The following PP2D1 variants were observed in gnomAD, a reference collection of about 807,000 sequenced individuals.
PP2D1 encodes protein phosphatase 2C-like domain-containing protein 1.
Under a neutral mutation model 30.2 loss-of-function variants are expected in PP2D1, and 25 were observed. That is an observed-to-expected ratio of 0.83 (90% CI 0.60 to 1.16). The LOEUF (loss-of-function observed/expected upper bound fraction) is 1.16. Ranked by LOEUF, PP2D1 falls within the 50% of genes most tolerant of loss-of-function variation. The probability of loss-of-function intolerance (pLI) is 0.00; values close to 1 mark genes in which losing one functional copy is unlikely to be tolerated. For synonymous variants in PP2D1, 260 were observed against 258.9 expected (o/e 1.00, Z -0.04); for missense variants, 760 against 742.4 (o/e 1.02, Z -0.28).
chr3:19,983,604 CT>C, downstream of PP2D1: 1 of 765,010 alleles, frequency 1.3e-6, no homozygotes, highest in Non-Finnish European at 2.3e-6. Flanking sequence ...TTATATGATA[CT>C]TTGGGGGTAA....
chr3:20,002,584 T>G (rs1324774536), intron 1 of PP2D1, among the ~76,000 whole-genome samples: 5 of 152,196 alleles, frequency 3.3e-5, no homozygotes, highest in African/African-American at 9.6e-5. Flanking sequence ...TTTGTGATGC[T>G]GGTGTCAACA....
chr3:20,011,270 T>C (rs1024217074), intron 1 of PP2D1, among the ~76,000 whole-genome samples: 2 of 152,166 alleles, frequency 1.3e-5, no homozygotes, highest in African/African-American at 4.8e-5. Context: ...TATATAAAAA[T>C]ATTTTAATTG....
intron 1 of PP2D1, among the ~76,000 whole-genome samples, chr3:20,003,407 T>G (rs1234704075): frequency 6.6e-6 from 1 of 151,414 alleles, no homozygotes; most frequent in African/African-American, 2.4e-5. Context: ...AAAAAAAGGT[T>G]AAAAAGTTTT....
chr3:19,998,299 C>A (rs921169343), intron 2 of PP2D1, among the ~76,000 whole-genome samples: 3 of 151,542 alleles, frequency 2.0e-5, no homozygotes, highest in African/African-American at 7.3e-5. Context: ...CACTGCACTC[C>A]AGCCTAGGCA....
At chr3:19,983,645 C>A, downstream of PP2D1, 2 of 1,054,742 alleles carry the variant, frequency 1.9e-6, no homozygotes, top group Non-Finnish European at 2.9e-6. Context: ...TATAGATAAG[C>A]AGGTGAAACT....
chr3:19,987,459 T>C (rs1697054773), intron 2 of PP2D1, among the ~76,000 whole-genome samples: 2 of 152,242 alleles, frequency 1.3e-5, no homozygotes, highest in Admixed American at 1.3e-4. Context: ...ATTTGAATAT[T>C]ATAACATCTT....
chr3:19,997,311 A>T (rs1697193091), intron 2 of PP2D1, among the ~76,000 whole-genome samples: 1 of 152,032 alleles, frequency 6.6e-6, no homozygotes, highest in Admixed American at 6.6e-5. Context: ...ATCTCAATAA[A>T]TGCCCCCCAA....
rs1697243208 is a variant in PP2D1, at chr3:20,001,024, A to G, written c.1090+6T>C. On this transcript the variant is annotated splice_donor_region_variant and intron_variant, in intron 2 of 2. Transcript: ENST00000389050. ...GGTGTTATTTGGTGCTATTCAATGT[A>G]CATACCAGTGTTTGCAACATGTAAT... 5.8e-6 allele frequency: 8 copies of G among 1,378,786 alleles called. No individual in the cohort carries two copies. The highest frequency in any genetic ancestry group is 7.5e-6 in the Non-Finnish European group (8 of 1,064,700). The allele number at this position is 1,378,786 out of a possible 1,614,324, so 85.4% of individuals were successfully genotyped here.
In PP2D1 at chr3:20,001,100, C is replaced by A. The variant is rs1422625168; in HGVS notation, c.1020G>T (p.Gly340=). 1.4e-6 allele frequency: 2 copies of A among 1,417,874 alleles called. No homozygotes were observed. Among genetic ancestry groups the A allele is most frequent in the Non-Finnish European group, 1.8e-6 (2 of 1,089,064 alleles). The allele number at this position is 1,417,874 out of a possible 1,614,324, so 87.8% of individuals were successfully genotyped here. ...CCTGGGAAGGGGAGCTCTCTGCCAA[C>A]CCATCATGGGTATTTTTTCTTTTCC... ...KNWKRKNTHD[G]LAESSPSQEM... The change falls in exon 2 of 3, where the codon GGG becomes GGT. Residue 340 remains glycine (G), a synonymous_variant. Transcript: ENST00000389050.
At chr3:19,981,146 G>T (rs1207516116), downstream of PP2D1, among the ~76,000 whole-genome samples, 2 of 152,076 alleles carry the variant, frequency 1.3e-5, no homozygotes, top group Admixed American at 1.3e-4. Context: ...CTCAAAAAAT[G>T]AATTTAGCAC....
At chr3:19,992,825 T>G (rs560829470) in intron 2 of PP2D1, among the ~76,000 whole-genome samples, 10 of 152,032 alleles carry the variant, frequency 6.6e-5, no homozygotes, top group Admixed American at 2.0e-4. Context: ...ATGAAAGGAG[T>G]GACGTGGCAA....
At chr3:19,982,967 C>G (rs895241129), downstream of PP2D1, among the ~76,000 whole-genome samples, 1 of 152,072 alleles carries the variant, frequency 6.6e-6, no homozygotes, top group African/African-American at 2.4e-5. Flanking sequence ...GTCTAGAGAA[C>G]GCTGATATGA....
downstream of PP2D1, among the ~76,000 whole-genome samples, chr3:19,982,079 C>CA (rs1247064348): frequency 1.6e-3 from 223 of 139,976 alleles, no homozygotes; most frequent in Middle Eastern, 0.011. Context: ...CTATCTCTAC[C>CA]AAAAAAAAAA....
At chr3:19,984,685 AT>A (rs1696999083), downstream of PP2D1, 1 of 154,956 alleles carries the variant, frequency 6.5e-6, no homozygotes. Flanking sequence ...AAACTTGATT[AT>A]TTTAAATTCG....
At chr3:20,011,823 G>GTTAA (rs10607560) in intron 1 of PP2D1, among the ~76,000 whole-genome samples, 11 of 151,300 alleles carry the variant, frequency 7.3e-5, no homozygotes, top group African/African-American at 1.5e-4. Context: ...AATAAAATAA[G>GTTAA]TTAATTAATT....
At chr3:20,000,936 T>C (rs1697242094) in intron 2 of PP2D1, 94 bp downstream of exon 2, 2 of 614,812 alleles carry the variant, frequency 3.3e-6, no homozygotes, top group Middle Eastern at 2.7e-4. Flanking sequence ...AGTCACTAAA[T>C]AATAGACAAT....
Position 20,012,090 on chromosome 3 carries a change from T to C in PP2D1, c.-18A>G. The C allele has an allele frequency of 6.5e-7, 1 of 1,528,714 alleles. No homozygotes were observed. The highest frequency in any genetic ancestry group is 8.8e-7 in the Non-Finnish European group (1 of 1,141,820). The allele number at this position is 1,528,714 out of a possible 1,614,324, so 94.7% of individuals were successfully genotyped here. A position where few individuals can be genotyped will look rare whatever the true frequency, so the allele number is the denominator to read the frequency against. Reference sequence around the variant, plus strand: ...GTGCTCATGTTCCTTTGGAATTACCTTTCTTTGCCCTCCCTTTATCCCCTT... The same window carrying C: ...GTGCTCATGTTCCTTTGGAATTACCCTTCTTTGCCCTCCCTTTATCCCCTT... On this transcript the variant is annotated 5_prime_UTR_variant, in exon 1 of 3. Coordinates refer to ENST00000389050, the MANE Select transcript of PP2D1 (RefSeq NM_001252657.2).
chr3:19,982,723 C>T (rs140695750), downstream of PP2D1, among the ~76,000 whole-genome samples: 49 of 150,288 alleles, frequency 3.3e-4, no homozygotes, highest in Admixed American at 6.6e-4. Flanking sequence ...GATCATACCA[C>T]TGCACTTAAT....
chr3:19,980,757 A>G (rs775206874), downstream of PP2D1, among the ~76,000 whole-genome samples: 1 of 152,114 alleles, frequency 6.6e-6, no homozygotes, highest in Non-Finnish European at 1.5e-5. Context: ...ATTTGACTGG[A>G]GATTTACCAT....
Sources: allele counts gnomAD v4.1 joint callset (sites outside exome capture counted in the v4.1 genomes callset), GRCh38; gene constraint gnomAD v4.1.1; transcripts MANE v1.5; gene names NCBI Gene and HGNC (gene_info 2026-07-23, HGNC 2026-07-21).